The following UMAD1 variants were observed in gnomAD, a reference collection of about 807,000 sequenced individuals.
The protein encoded by UMAD1 is UBAP1-MVB12-associated (UMA)-domain containing protein 1.
A neutral mutation model predicts 6.1 loss-of-function variants in UMAD1; 8 were observed. The observed-to-expected ratio is 1.30, with a 90% CI of 0.76 to 2.35. The LOEUF is 2.35. Among genes scored for constraint, UMAD1 ranks in the 30% most tolerant of loss-of-function variants. UMAD1 has a pLI of 0.00. For missense variants in UMAD1, 130 were observed against 78.4 expected (o/e 1.66, Z -2.49); for synonymous variants, 56 against 31.4 (o/e 1.78, Z -2.61).
chr7:7,796,494 G>A lies in UMAD1; in HGVS notation c.83-5176G>A, dbSNP rs543038123. 1.7e-3 allele frequency among the ~76,000 whole-genome samples: 252 copies of A among 151,934 alleles called. 1 individual carries two copies. Among genetic ancestry groups the A allele is most frequent in the Middle Eastern group, 3.4e-3 (1 of 294 alleles). On this transcript the variant is annotated intron_variant, in intron 2 of 3. Transcript: ENST00000682710. ...TCGAACTCCCAACCTCAGGTGATCC[G>A]CCTGCCTCGGCCTCCCAAAGTGTTG...
chr7:7,756,010 A>G (rs1355847459), intron 2 of UMAD1, among the ~76,000 whole-genome samples: 1 of 152,266 alleles, frequency 6.6e-6, no homozygotes, highest in East Asian at 1.9e-4. Flanking sequence ...ATTGCTTGGA[A>G]TAAGTAGTGT....
intron 2 of UMAD1, among the ~76,000 whole-genome samples, chr7:7,776,243 T>C (rs368690082): frequency 6.6e-6 from 1 of 152,154 alleles, no homozygotes; most frequent in African/African-American, 2.4e-5. Flanking sequence ...GAATGATCAG[T>C]TGAGCCCAGG....
At chr7:7,654,900 C>T (rs1387801545) in intron 1 of UMAD1, among the ~76,000 whole-genome samples, 2 of 41,506 alleles carry the variant, frequency 4.8e-5, no homozygotes, top group African/African-American at 1.3e-4. Context: ...AAGACTCTGT[C>T]TCAAAAAAAA....
intron 2 of UMAD1, among the ~76,000 whole-genome samples, chr7:7,790,210 T>C (rs966260886): frequency 4.6e-5 from 7 of 152,174 alleles, no homozygotes; most frequent in Admixed American, 1.3e-4. Flanking sequence ...CAAGTCAGAC[T>C]CTCTTGTGAG....
chr7:7,682,693 T>A (rs943955710), intron 2 of UMAD1, among the ~76,000 whole-genome samples: 1 of 152,236 alleles, frequency 6.6e-6, no homozygotes, highest in African/African-American at 2.4e-5. Flanking sequence ...TTAGAGTGTT[T>A]ATGGATTAAA....
intron 1 of UMAD1, among the ~76,000 whole-genome samples, chr7:7,662,988 A>G (rs904346647): frequency 1.4e-5 from 2 of 144,996 alleles, no homozygotes; most frequent in East Asian, 4.2e-4. Flanking sequence ...AAAAATTTAA[A>G]GAAGTGTGTG....
chr7:7,756,977 TA>T (rs1781791329), intron 2 of UMAD1, among the ~76,000 whole-genome samples: 1 of 152,182 alleles, frequency 6.6e-6, no homozygotes, highest in African/African-American at 2.4e-5. Context: ...TTTGACAGAA[TA>T]GCTACACATT....
At chr7:7,660,912 A>T (rs188080503) in intron 1 of UMAD1, among the ~76,000 whole-genome samples, 1 of 152,018 alleles carries the variant, frequency 6.6e-6, no homozygotes, top group African/African-American at 2.4e-5. Flanking sequence ...ACTTGGTTCT[A>T]TTCTCCCTGT....
At chr7:7,664,783 T>C (rs1779396524) in intron 1 of UMAD1, among the ~76,000 whole-genome samples, 1 of 152,232 alleles carries the variant, frequency 6.6e-6, no homozygotes, top group African/African-American at 2.4e-5. Flanking sequence ...CACTCAAGAT[T>C]AAAGCTACCA....
chr7:7,854,862 G>A (rs1197292031), intron 3 of UMAD1, among the ~76,000 whole-genome samples: 2 of 152,194 alleles, frequency 1.3e-5, no homozygotes, highest in African/African-American at 2.4e-5. Flanking sequence ...TAAAATCAAA[G>A]CAGGTTAGTT....
intron 3 of UMAD1, among the ~76,000 whole-genome samples, chr7:7,847,457 T>G (rs1262048164): frequency 6.6e-6 from 1 of 151,960 alleles, no homozygotes; most frequent in Non-Finnish European, 1.5e-5. Flanking sequence ...GTCCCATTCT[T>G]TATGACATTG....
chr7:7,829,532 A>C (rs1783419947), intron 3 of UMAD1, among the ~76,000 whole-genome samples: 1 of 151,980 alleles, frequency 6.6e-6, no homozygotes, highest in Non-Finnish European at 1.5e-5. Flanking sequence ...TGGACAAAAA[A>C]AGGAATGTGC....
At chr7:7,642,658 AG>A (rs1785001052) in intron 1 of UMAD1, among the ~76,000 whole-genome samples, 3 of 152,214 alleles carry the variant, frequency 2.0e-5, no homozygotes, top group Non-Finnish European at 4.4e-5. Context: ...CATGATGTAC[AG>A]AAAAAAGTAT....
chr7:7,877,167 G>A (rs1243607220), intron 3 of UMAD1, 114 bp from the exon 4 acceptor site: 1 of 612,410 alleles, frequency 1.6e-6, no homozygotes, highest in African/African-American at 1.8e-5. Flanking sequence ...TCAAATCTGG[G>A]AATATTTATA....
At chr7:7,770,185 A>G (rs568461217) in intron 2 of UMAD1, among the ~76,000 whole-genome samples, 1 of 152,196 alleles carries the variant, frequency 6.6e-6, no homozygotes, top group Admixed American at 6.5e-5. Context: ...AATATCTGGC[A>G]CATACTCCCT....
At chr7:7,779,283 C>CT (rs33966398) in intron 2 of UMAD1, among the ~76,000 whole-genome samples, 77,230 of 150,972 alleles carry the variant, frequency 0.51, 19,790 homozygotes, top group African/African-American at 0.58. Context: ...GAAGAAAAAT[C>CT]TTTTTTTTAA....
chr7:7,720,653 A>G (rs75473133), intron 2 of UMAD1, among the ~76,000 whole-genome samples: 11,762 of 152,262 alleles, frequency 0.077, 541 homozygotes, highest in Non-Finnish European at 0.095. Context: ...AGCATCTTCA[A>G]TAGTGATTTT....
intron 2 of UMAD1, among the ~76,000 whole-genome samples, chr7:7,746,305 A>C (rs1446808532): frequency 6.6e-6 from 1 of 152,220 alleles, no homozygotes; most frequent in Non-Finnish European, 1.5e-5. Flanking sequence ...GGCAAAATAG[A>C]GCAATGGGTT....
At chr7:7,726,429 A>G (rs1367250876) in intron 2 of UMAD1, among the ~76,000 whole-genome samples, 1 of 152,234 alleles carries the variant, frequency 6.6e-6, no homozygotes, top group African/African-American at 2.4e-5. Flanking sequence ...AGAATAATGG[A>G]ATGGCCTTTT....
Sources: allele counts gnomAD v4.1 joint callset (sites outside exome capture counted in the v4.1 genomes callset), GRCh38; gene constraint gnomAD v4.1.1; transcripts MANE v1.5; gene names NCBI Gene and HGNC (gene_info 2026-07-23, HGNC 2026-07-21).